Variants in RSPRY1 observed in about 807,000 individuals in gnomAD.
RSPRY1 encodes the protein ring finger and SPRY domain containing 1.
In RSPRY1, 23 loss-of-function variants were observed where a neutral mutation model predicts 73.1. The observed-to-expected ratio is 0.31, with a 90% CI of 0.23 to 0.45. The LOEUF (loss-of-function observed/expected upper bound fraction) is 0.45, where lower values mean the gene tolerates loss of function less well. RSPRY1 is among the 20% of genes least tolerant of loss of function. The pLI is 1.00. For missense variants in RSPRY1, 448 were observed against 698.7 expected (o/e 0.64, Z 4.05); for synonymous variants, 226 against 251.4 (o/e 0.90, Z 0.95).
intron 10 of RSPRY1, among the ~76,000 whole-genome samples, chr16:57,221,898 T>C (rs2075043159): frequency 6.6e-6 from 1 of 152,272 alleles, no homozygotes; most frequent in African/African-American, 2.4e-5. Flanking sequence ...TCTTTTGTTA[T>C]AGAAAGCTAT....
chr16:57,188,134 G>C (rs1024276486), intron 1 of RSPRY1, among the ~76,000 whole-genome samples: 3 of 152,128 alleles, frequency 2.0e-5, no homozygotes, highest in African/African-American at 7.2e-5. Context: ...AGATTATGAG[G>C]CATGTTGGAA....
At position 57,239,025 on chromosome 16, in the gene RSPRY1, G is replaced by A; in HGVS notation, c.*50G>A. 2 of 1,005,476 alleles carry A rather than the reference G, an allele frequency of 2.0e-6. No homozygotes were observed. The highest frequency in any genetic ancestry group is 3.0e-6 in the Non-Finnish European group (2 of 668,644). 62.3% of individuals were successfully genotyped at this position (1,005,476 alleles called of 1,614,324 possible). On this transcript the variant is annotated 3_prime_UTR_variant, in exon 15 of 15. Transcript: ENST00000394420. ...TTTTTTCTACTCAATTCCAGCCAATGTTGAAAAGAAAAAGAAAAAAAAAAC... is the reference window on the plus strand; with the variant it reads ...TTTTTTCTACTCAATTCCAGCCAATATTGAAAAGAAAAAGAAAAAAAAAAC...
At chr16:57,201,629 T>G (rs2074610490) in intron 1 of RSPRY1, among the ~76,000 whole-genome samples, 1 of 152,122 alleles carries the variant, frequency 6.6e-6, no homozygotes, top group South Asian at 2.1e-4. Context: ...GGAGGTTGTA[T>G]CGAGCCGAGA....
Position 57,231,370 on chromosome 16 carries a change from A to G in RSPRY1, c.1529+51A>G, listed in dbSNP as rs11867111. On this transcript the variant is annotated intron_variant, in intron 13 of 14. Transcript: ENST00000394420. ...CAGACTTTCACATGAATCTTATGAGAAATTAAACAATTTATAATCAACGTT... is the reference window on the plus strand; with the variant it reads ...CAGACTTTCACATGAATCTTATGAGGAATTAAACAATTTATAATCAACGTT... The G allele has an allele frequency of 2.7e-3, 4,042 of 1,516,558 alleles. 81 individuals are homozygous for G. In the African/African-American group the frequency reaches 0.038, roughly 14 times the overall value. 93.9% of individuals were successfully genotyped at this position (1,516,558 alleles called of 1,614,324 possible).
At chr16:57,227,524 A>G (rs1175489014) in intron 11 of RSPRY1, 71 bp downstream of exon 11, 15 of 1,056,178 alleles carry the variant, frequency 1.4e-5, no homozygotes, top group Non-Finnish European at 2.2e-5. Context: ...CATTTATTAC[A>G]TTAAGCCTTA....
intron 8 of RSPRY1, among the ~76,000 whole-genome samples, chr16:57,218,208 T>G (rs1460910413): frequency 6.6e-6 from 1 of 152,182 alleles, no homozygotes; most frequent in Non-Finnish European, 1.5e-5. Flanking sequence ...TTGGAGCACA[T>G]GAGATATTTT....
At chr16:57,201,876 G>A (rs1264091486) in intron 1 of RSPRY1, among the ~76,000 whole-genome samples, 1 of 152,214 alleles carries the variant, frequency 6.6e-6, no homozygotes, top group Non-Finnish European at 1.5e-5. Flanking sequence ...GGAGAATCAG[G>A]CAGGGAGTTT....
chr16:57,211,335 C>G (rs2074840889), intron 4 of RSPRY1, among the ~76,000 whole-genome samples: 1 of 151,586 alleles, frequency 6.6e-6, no homozygotes, highest in Non-Finnish European at 1.5e-5. Flanking sequence ...TTTGGGAGGC[C>G]AAGGCAGACA....
In RSPRY1 at chr16:57,204,648, A is replaced by C. The variant is rs371699208; in HGVS notation, c.-11A>C. ...ATGAAAACAGTACTTGGAAAACTGA[A>C]AACTACCTAAATGATCGTCTTTGGT... On this transcript the variant is annotated 5_prime_UTR_variant, in exon 2 of 15. Coordinates refer to ENST00000394420, the MANE Select transcript of RSPRY1 (RefSeq NM_133368.3). 98 of 1,609,498 alleles carry C rather than the reference A, an allele frequency of 6.1e-5. No homozygotes were observed. The highest frequency in any genetic ancestry group is 7.8e-5 in the Non-Finnish European group (92 of 1,176,770).
chr16:57,240,360 A>AC lies in RSPRY1; in HGVS notation c.*1385_*1386insC, dbSNP rs1567522639. 44 of 149,988 alleles carry AC rather than the reference A, an allele frequency of 2.9e-4. No homozygotes were observed. Among genetic ancestry groups the AC allele is most frequent in the African/African-American group, 9.8e-4 (40 of 40,756 alleles). The allele number at this position is 149,988 out of a possible 1,614,324, so 9.3% of individuals were successfully genotyped here. A position where few individuals can be genotyped will look rare whatever the true frequency, so the allele number is the denominator to read the frequency against. ...AAATCCACACACACACACACACACA[A>AC]AAAATATATATATATATAAATATAT... On this transcript the variant is annotated 3_prime_UTR_variant, in exon 15 of 15. Transcript: ENST00000394420.
At chr16:57,238,644 TAG>T (rs1187705593) in intron 14 of RSPRY1, among the ~76,000 whole-genome samples, 1 of 152,230 alleles carries the variant, frequency 6.6e-6, no homozygotes, top group Non-Finnish European at 1.5e-5. Flanking sequence ...TGTGCACATA[TAG>T]AGTGTCTGAA....
chr16:57,201,287 GGTTGCCAGGCA>G (rs2074596144), intron 1 of RSPRY1, among the ~76,000 whole-genome samples: 1 of 151,584 alleles, frequency 6.6e-6, no homozygotes, highest in Non-Finnish European at 1.5e-5. Context: ...CAGACGGGGC[GGTTGCCAGGCA>G]GAGGGTCTCC....
chr16:57,190,053 A>G (rs1353394831), intron 1 of RSPRY1, among the ~76,000 whole-genome samples: 1 of 152,118 alleles, frequency 6.6e-6, no homozygotes, highest in Non-Finnish European at 1.5e-5. Flanking sequence ...GAAGGTAGTA[A>G]TCACTATTAC....
chr16:57,186,383 G>T lies in RSPRY1; in HGVS notation c.-224G>T. 6.1e-6 allele frequency: 1 copy of T among 164,868 alleles called. No individual in the cohort carries two copies. Among genetic ancestry groups the T allele is most frequent in the South Asian group, 1.7e-4 (1 of 5,810 alleles). 10.2% of individuals were successfully genotyped at this position (164,868 alleles called of 1,614,324 possible). ...CGCGTCCATCTTTGCCGTTCTCTCG[G>T]ACCTGTCACAAAGGAGTCGCGCCGC... On this transcript the variant is annotated 5_prime_UTR_variant, in exon 1 of 15. Coordinates refer to ENST00000394420, the MANE Select transcript of RSPRY1 (RefSeq NM_133368.3).
chr16:57,204,445 T>G, intron 1 of RSPRY1, 59 bp from the exon 2 acceptor site: 2 of 508,784 alleles, frequency 3.9e-6, no homozygotes, highest in Non-Finnish European at 7.0e-6. Flanking sequence ...TAGGAAAATT[T>G]GAGTAATTAA....
chr16:57,199,709 A>G (rs2074524457), intron 1 of RSPRY1, among the ~76,000 whole-genome samples: 1 of 152,086 alleles, frequency 6.6e-6, no homozygotes, highest in Non-Finnish European at 1.5e-5. Context: ...ATAAAATACA[A>G]TTTCAAGTAA....
intron 9 of RSPRY1, 129 bp from the exon 10 acceptor site, chr16:57,221,143 C>G (rs1177783001): frequency 2.9e-5 from 33 of 1,142,842 alleles, no homozygotes; most frequent in Non-Finnish European, 7.6e-6. Flanking sequence ...TGAGGATGGA[C>G]AGAGGAGGAA....
chr16:57,196,388 C>A (rs2074448113), intron 1 of RSPRY1, among the ~76,000 whole-genome samples: 1 of 152,140 alleles, frequency 6.6e-6, no homozygotes, highest in Non-Finnish European at 1.5e-5. Flanking sequence ...TCAGTTTGCC[C>A]CCTAGTTCAG....
intron 8 of RSPRY1, among the ~76,000 whole-genome samples, chr16:57,219,040 T>A (rs1297894129): frequency 1.3e-5 from 2 of 152,120 alleles, no homozygotes; most frequent in Non-Finnish European, 2.9e-5. Context: ...CCGGCCACAT[T>A]TTCTTTATTC....
Sources: gnomAD v4.1 joint callset for allele counts (sites outside exome capture counted in the v4.1 genomes callset) on GRCh38, gnomAD v4.1.1 for gene constraint, MANE v1.5 for transcripts, NCBI Gene and HGNC (gene_info 2026-07-23, HGNC 2026-07-21) for gene names.